NCOA2: variants seen among roughly 807,000 people sequenced by gnomAD.
NCOA2 encodes class E basic helix-loop-helix protein 75.
NCOA2 carries 21 observed loss-of-function variants against 145.1 expected under a neutral mutation model. The ratio of observed to expected loss-of-function variants is 0.14; its 90% CI spans 0.10 to 0.21. The LOEUF (loss-of-function observed/expected upper bound fraction) is 0.21, where lower values mean the gene tolerates loss of function less well. Ranked by LOEUF, NCOA2 falls within the 10% of genes least tolerant of loss-of-function variation. NCOA2 has a pLI of 1.00. For missense variants in NCOA2, 1,472 were observed against 1,837.6 expected (o/e 0.80, Z 3.64); for synonymous variants, 619 against 637.5 (o/e 0.97, Z 0.44).
intron 2 of NCOA2, among the ~76,000 whole-genome samples, chr8:70,249,963 C>CAAAAAAAAAAAAAAAAAAAAAAAAAA (rs747018939): frequency 2.7e-5 from 2 of 75,232 alleles, no homozygotes; most frequent in South Asian, 4.6e-4. Context: ...AATCTGCCTC[C>CAAAAAAAAAAAAAAAAAAAAAAAAAA]AAAAAAAAAA....
the NCOA2 span, among the ~76,000 whole-genome samples, chr8:70,438,974 A>T: frequency 6.6e-6 from 1 of 152,194 alleles, no homozygotes; most frequent in African/African-American, 2.4e-5. Context: ...CTTCTGCCTA[A>T]GTCCTTTTCT....
chr8:70,453,163 T>C, the NCOA2 span, among the ~76,000 whole-genome samples: 1 of 152,192 alleles, frequency 6.6e-6, no homozygotes, highest in Non-Finnish European at 1.5e-5. Flanking sequence ...GGCTTGGAGC[T>C]TGAGAATTTA....
At chr8:70,367,428 C>T (rs1461830858) in intron 1 of NCOA2, among the ~76,000 whole-genome samples, 1 of 152,080 alleles carries the variant, frequency 6.6e-6, no homozygotes, top group East Asian at 1.9e-4. Context: ...AGGAGGTGGA[C>T]TGCATTTCCA....
the NCOA2 span, among the ~76,000 whole-genome samples, chr8:70,449,934 A>T: frequency 0.039 from 5,889 of 152,318 alleles, 362 homozygotes; most frequent in African/African-American, 0.13. Flanking sequence ...CGAAGTAGCA[A>T]CAGAATTGAA....
At chr8:70,189,178 C>T (rs888231413) in intron 4 of NCOA2, among the ~76,000 whole-genome samples, 2 of 152,122 alleles carry the variant, frequency 1.3e-5, no homozygotes, top group Non-Finnish European at 2.9e-5. Context: ...TGGGGTGTCT[C>T]TCTACCAGAG....
Position 70,388,262 on chromosome 8 carries a change from C to A in NCOA2, c.-77+15438G>T, listed in dbSNP as rs565916724. Among the ~76,000 whole-genome samples, 23 of 152,314 alleles carry A rather than the reference C, an allele frequency of 1.5e-4. No homozygotes were observed. The South Asian group carries it at 4.3e-3, about 29-fold the overall frequency. ...AAGATCACTAGCTTTATTGATAAGT[C>A]TCTCAAATTATCATGCAGCTCTTAT... On this transcript the variant is annotated intron_variant, in intron 1 of 22. Transcript: ENST00000452400.
chr8:70,155,450 A>C (rs538547099), intron 11 of NCOA2, among the ~76,000 whole-genome samples: 2 of 152,374 alleles, frequency 1.3e-5, no homozygotes, highest in Non-Finnish European at 2.9e-5. Context: ...TCTCCAATTC[A>C]GGCAGCTTCT....
intron 2 of NCOA2, among the ~76,000 whole-genome samples, chr8:70,224,934 T>C (rs978169692): frequency 1.3e-5 from 2 of 152,070 alleles, no homozygotes; most frequent in Non-Finnish European, 2.9e-5. Context: ...CCTGTCCTCC[T>C]GCTCCTCTGT....
chr8:70,123,606 G>C (rs530900907), intron 21 of NCOA2, among the ~76,000 whole-genome samples: 6 of 151,072 alleles, frequency 4.0e-5, no homozygotes, highest in African/African-American at 1.5e-4. Flanking sequence ...ATTCATTTTA[G>C]ATACTGGTGA....
At chr8:70,396,043 C>CAGA (rs1813637904) in intron 1 of NCOA2, among the ~76,000 whole-genome samples, 1 of 152,200 alleles carries the variant, frequency 6.6e-6, no homozygotes, top group Admixed American at 6.5e-5. Context: ...AATAGCAGAG[C>CAGA]AGAAGTCAGA....
chr8:70,239,929 G>A lies in NCOA2; in HGVS notation c.-19-23165C>T, dbSNP rs117036207. ...CAGGCAGAGCAGAAGCAGACTGAGA[G>A]ACCACCTTTGCTACTACAGTCAACA... On this transcript the variant is annotated intron_variant, in intron 2 of 22. Transcript: ENST00000452400. 5.6e-4 allele frequency among the ~76,000 whole-genome samples: 86 copies of A among 152,274 alleles called. No homozygotes were observed. The East Asian group carries it at 0.016, about 29-fold the overall frequency.
chr8:70,279,564 G>T (rs1387209352), intron 2 of NCOA2, among the ~76,000 whole-genome samples: 1 of 152,164 alleles, frequency 6.6e-6, no homozygotes, highest in East Asian at 1.9e-4. Context: ...ACCCTCCCCT[G>T]TCAGGTCACA....
intron 1 of NCOA2, among the ~76,000 whole-genome samples, chr8:70,315,540 G>C (rs1359702198): frequency 1.3e-5 from 2 of 152,080 alleles, no homozygotes; most frequent in South Asian, 2.1e-4. Flanking sequence ...TACTACACAA[G>C]ACAAAGGGGA....
At chr8:70,146,954 G>C (rs779930445) in intron 12 of NCOA2, among the ~76,000 whole-genome samples, 30 of 152,022 alleles carry the variant, frequency 2.0e-4, no homozygotes, top group Non-Finnish European at 3.8e-4. Context: ...GCCTCCCCAA[G>C]TGCTGGGATT....
At chr8:70,145,328 T>TTTCTTTCTTTTC (rs1358709270) in intron 12 of NCOA2, among the ~76,000 whole-genome samples, 2 of 151,038 alleles carry the variant, frequency 1.3e-5, no homozygotes, top group Admixed American at 6.6e-5. Context: ...CGGCTAATTT[T>TTTCTTTCTTTTC]TTCTTTTTTT....
At chr8:70,121,618 C>T (rs1267550969) in intron 21 of NCOA2, among the ~76,000 whole-genome samples, 2 of 152,150 alleles carry the variant, frequency 1.3e-5, no homozygotes, top group Admixed American at 6.5e-5. Context: ...CAAAATTAAC[C>T]TTTATCTGCA....
Position 70,144,765 on chromosome 8 carries a change from T to C in NCOA2, c.2689A>G (p.Thr897Ala), listed in dbSNP as rs200846291. 1.4e-4 allele frequency: 231 copies of C among 1,613,886 alleles called. No homozygotes were observed. Among genetic ancestry groups the C allele is most frequent in the Non-Finnish European group, 1.8e-4 (215 of 1,179,882 alleles). ...ATTGGTGGGAAAGGTCCAGCACCAG[T>C]TGGGCTTTGCAATGTGATGTCAAGT... Reference protein sequence around the residue: ...LPLDITLQSPTGAGPFPPIRN... With the variant: ...LPLDITLQSPAGAGPFPPIRN... The change falls in exon 13 of 23, where the codon ACT becomes GCT. Residue 897 changes from threonine (T) to alanine (A), a missense_variant. Physicochemically the swap from Thr to Ala is moderately conservative, Grantham distance 58. This residue lies in a region of NCOA2 where 953 missense variants were observed against 1,062.1 expected (regional missense o/e 0.90). Coordinates refer to ENST00000452400, the MANE Select transcript of NCOA2 (RefSeq NM_006540.4).
intron 2 of NCOA2, among the ~76,000 whole-genome samples, chr8:70,245,697 T>A (rs1002925723): frequency 1.3e-5 from 2 of 152,134 alleles, no homozygotes; most frequent in African/African-American, 4.8e-5. Context: ...AATGAAAATA[T>A]AATTTCTAGA....
rs567963091 is a variant in NCOA2, at chr8:70,387,824, G to A, written c.-77+15876C>T. On this transcript the variant is annotated intron_variant, in intron 1 of 22. Transcript: ENST00000452400. ...AATTTTCATCCACTGAACTTCTGCC[G>A]CCATGCTGTGAGGAAGTCCAAGCAG... Among the ~76,000 whole-genome samples, 18 of 152,234 alleles carry A rather than the reference G, an allele frequency of 1.2e-4. No homozygotes were observed. The South Asian group carries it at 1.2e-3, about 11-fold the overall frequency.
Sources: gnomAD v4.1 joint callset for allele counts (sites outside exome capture counted in the v4.1 genomes callset) on GRCh38, gnomAD v4.1.1 for gene constraint, gnomAD v4.1.1 regional missense constraint, MANE v1.5 for transcripts, NCBI Gene and HGNC (gene_info 2026-07-23, HGNC 2026-07-21) for gene names.